The following DNAH6 variants were observed in gnomAD, a reference collection of about 807,000 sequenced individuals.
The protein encoded by DNAH6 is axonemal beta dynein heavy chain 6.
In DNAH6, 340 loss-of-function variants were observed where a neutral mutation model predicts 491.4. The observed-to-expected ratio is 0.69, with a 90% CI of 0.63 to 0.76. The LOEUF (loss-of-function observed/expected upper bound fraction) is 0.76, where lower values mean the gene tolerates loss of function less well. Among genes scored for constraint, DNAH6 ranks in the 30% least tolerant of loss-of-function variants. The pLI is 0.00. For synonymous variants in DNAH6, 1,603 were observed against 1,686.1 expected (o/e 0.95, Z 1.21); for missense variants, 4,443 against 4,972.2 (o/e 0.89, Z 3.20).
chr2:84,710,526 A>C (rs942025859), intron 56 of DNAH6, 114 bp downstream of exon 56: 3 of 1,085,130 alleles, frequency 2.8e-6, no homozygotes, highest in Non-Finnish European at 4.0e-6. Context: ...TCCATTTTCA[A>C]ATTGGTCAAA....
At chr2:84,678,555 C>T (rs1409146763) in intron 41 of DNAH6, among the ~76,000 whole-genome samples, 1 of 152,054 alleles carries the variant, frequency 6.6e-6, no homozygotes, top group African/African-American at 2.4e-5. Flanking sequence ...ACTACAAAAA[C>T]ATCGTTCTTC....
the DNAH6 span, among the ~76,000 whole-genome samples, chr2:84,511,284 C>G: frequency 5.3e-5 from 8 of 152,208 alleles, no homozygotes; most frequent in Non-Finnish European, 8.8e-5. Context: ...GGGCGCCCCT[C>G]CCCCAGCCTC....
rs949715745 is a variant in DNAH6 at position 84,705,714 on chromosome 2, C to T, written c.8694C>T (p.Val2898=). Residue 2898 remains valine (V), a synonymous_variant, in exon 52 of 77, where the codon GTC becomes GTT. Transcript: ENST00000389394. ...TGTACTCTCGAGTGGTCAAGGTCGT[C>T]GAACCAAAAAGACAAAAGCTCCGCG... ...MDLYSRVVKV[V]EPKRQKLRAA... is the part of the protein sequence containing the mutation. 2.9e-5 allele frequency: 45 copies of T among 1,550,240 alleles called. No homozygotes were observed. The highest frequency in any genetic ancestry group is 3.1e-5 in the Non-Finnish European group (36 of 1,146,578).
At chr2:84,700,667 G>C (rs1558929366) in intron 48 of DNAH6, among the ~76,000 whole-genome samples, 3 of 152,242 alleles carry the variant, frequency 2.0e-5, no homozygotes, top group Admixed American at 1.3e-4. Context: ...CAATGTTCAA[G>C]TGAGTTCAAA....
rs748187586 is a variant in DNAH6, at chr2:84,552,867, T to G, written c.1486-51T>G. Reference sequence around the variant, plus strand: ...ATGTCCCTTGTTTTTTTATTTTGTTTTAGACCTTGATACTTGTGTCTTTAT... The same window carrying G: ...ATGTCCCTTGTTTTTTTATTTTGTTGTAGACCTTGATACTTGTGTCTTTAT... On this transcript the variant is annotated intron_variant, in intron 9 of 76. Coordinates refer to ENST00000389394, the MANE Select transcript of DNAH6 (RefSeq NM_001370.2). 1.0e-5 allele frequency: 11 copies of G among 1,067,476 alleles called. No individual in the cohort carries two copies. The Admixed American group carries it at 2.8e-4, about 27-fold the overall frequency. 66.1% of individuals were successfully genotyped at this position (1,067,476 alleles called of 1,614,324 possible).
At position 84,672,375 on chromosome 2, in the gene DNAH6, T is replaced by C. The variant is rs892131099; in HGVS notation, c.6503T>C (p.Met2168Thr). Reference protein sequence around the residue: ...RIVIFVDDLNMPRLDRYGSQP... With the variant: ...RIVIFVDDLNTPRLDRYGSQP... ...GTGATTTTTGTTGATGATTTAAACA[T>C]GCCCAGACTGGATCGCTATGGCTCT... The change falls in exon 40 of 77, where the codon ATG (methionine) becomes ACG (threonine). Residue 2168 changes from methionine to threonine, a missense_variant. Around this residue, in one of 3 missense-constraint regions of DNAH6, gnomAD observed 2,977 missense variants for 3,296.6 expected, o/e 0.90. Coordinates refer to ENST00000389394, the MANE Select transcript of DNAH6 (RefSeq NM_001370.2). 12 of 1,551,582 alleles carry C rather than the reference T, an allele frequency of 7.7e-6. No homozygotes were observed. The highest frequency in any genetic ancestry group is 1.0e-5 in the Non-Finnish European group (12 of 1,146,900).
At chr2:84,583,977 A>C in intron 14 of DNAH6, 22 bp from the exon 15 acceptor site, 1 of 1,610,214 alleles carries the variant, frequency 6.2e-7, no homozygotes, top group Non-Finnish European at 8.5e-7. Flanking sequence ...ACATTTAATG[A>C]GCAAACTATG....
At chr2:84,555,641 C>T (rs1490021109) in intron 10 of DNAH6, among the ~76,000 whole-genome samples, 1 of 152,130 alleles carries the variant, frequency 6.6e-6, no homozygotes, top group African/African-American at 2.4e-5. Flanking sequence ...TTTTAAGCCC[C>T]ACTCATGGTC....
intron 52 of DNAH6, among the ~76,000 whole-genome samples, chr2:84,706,303 A>C (rs1696423695): frequency 6.6e-6 from 1 of 152,274 alleles, no homozygotes; most frequent in African/African-American, 2.4e-5. Flanking sequence ...GTTGCAGCAC[A>C]GAAACAGTCA....
rs915561097 is a variant in DNAH6 at position 84,587,385 on chromosome 2, T to C, written c.2482-1441T>C. On this transcript the variant is annotated intron_variant, in intron 15 of 76. Coordinates refer to ENST00000389394, the MANE Select transcript of DNAH6 (RefSeq NM_001370.2). ...TGGCATTTAGATTGATTGCATGTCT[T>C]TGCTATTGTGGATAGTGCTGCAATG... is the stretch of plus-strand genomic sequence containing the variant. 1.2e-4 allele frequency among the ~76,000 whole-genome samples: 18 copies of C among 152,340 alleles called. No individual in the cohort carries two copies. In the South Asian group the frequency reaches 2.3e-3, roughly 19 times the overall value.
In DNAH6 at chr2:84,658,317, T is replaced by C. The variant is rs1189259488; in HGVS notation, c.5783T>C (p.Ile1928Thr). Residue 1928 changes from isoleucine (I) to threonine (T), a missense_variant, in exon 36 of 77, where the codon ATA becomes ACA. Transcript: ENST00000389394. ...KKLTEETQEY[I>T]LNLFQRYVDE... is the part of the protein sequence containing the mutation. ...CTGACTGAGGAAACCCAAGAATATA[T>C]ATTGAATCTTTTCCAACGTTATGTT... 6.5e-7 allele frequency: 1 copy of C among 1,541,212 alleles called. No homozygotes were observed. Among genetic ancestry groups the C allele is most frequent in the South Asian group, 1.2e-5 (1 of 81,732 alleles).
chr2:84,809,865 C>A (rs565286833), intron 72 of DNAH6, among the ~76,000 whole-genome samples: 2 of 152,180 alleles, frequency 1.3e-5, no homozygotes, highest in South Asian at 4.2e-4. Flanking sequence ...AAAATGTGAT[C>A]CAGTGGTAGT....
At chr2:84,462,253 G>A in the DNAH6 span, among the ~76,000 whole-genome samples, 1 of 152,192 alleles carries the variant, frequency 6.6e-6, no homozygotes, top group African/African-American at 2.4e-5. Context: ...CACTGAGCCA[G>A]ACTAAATTGT....
chr2:84,541,281 A>G (rs1344790746), intron 4 of DNAH6, among the ~76,000 whole-genome samples: 1 of 152,182 alleles, frequency 6.6e-6, no homozygotes, highest in African/African-American at 2.4e-5. Flanking sequence ...TGAACTGGAA[A>G]GTCTAAGAAT....
At chr2:84,658,596 G>T (rs991627858) in intron 36 of DNAH6, 122 bp downstream of exon 36, 6 of 658,258 alleles carry the variant, frequency 9.1e-6, no homozygotes, top group Non-Finnish European at 1.2e-5. Flanking sequence ...TTTTTCAGGG[G>T]ACTAATAGCT....
At chr2:84,683,035 T>C (rs1022642957) in intron 42 of DNAH6, among the ~76,000 whole-genome samples, 3 of 150,828 alleles carry the variant, frequency 2.0e-5, no homozygotes, top group African/African-American at 7.3e-5. Context: ...GGGACCGCTG[T>C]ACATTGCTTG....
At chr2:84,687,682 A>G (rs1694408752) in intron 44 of DNAH6, among the ~76,000 whole-genome samples, 2 of 152,208 alleles carry the variant, frequency 1.3e-5, no homozygotes, top group Non-Finnish European at 2.9e-5. Flanking sequence ...TGTGTGTTTT[A>G]GTAAAACATT....
chr2:84,772,166 A>G (rs1031998419), intron 64 of DNAH6, among the ~76,000 whole-genome samples: 7 of 152,144 alleles, frequency 4.6e-5, no homozygotes, highest in Admixed American at 1.3e-4. Context: ...TCAGATGTCA[A>G]TTGTAGTCCA....
chr2:84,769,678 G>C (rs969535559), intron 64 of DNAH6, among the ~76,000 whole-genome samples: 3 of 152,054 alleles, frequency 2.0e-5, no homozygotes, highest in Non-Finnish European at 2.9e-5. Flanking sequence ...AATCTAACTA[G>C]GAATGCTCCA....
Sources: gnomAD v4.1 joint callset for allele counts (sites outside exome capture counted in the v4.1 genomes callset) on GRCh38, gnomAD v4.1.1 for gene constraint, gnomAD v4.1.1 regional missense constraint, MANE v1.5 for transcripts, NCBI Gene and HGNC (gene_info 2026-07-23, HGNC 2026-07-21) for gene names.